KCNN3: variants seen among roughly 807,000 people sequenced by gnomAD.
KCNN3 encodes small conductance calcium-activated potassium channel protein 3.
KCNN3 carries 16 observed loss-of-function variants against 62.9 expected under a neutral mutation model. The observed-to-expected ratio is 0.25, with a 90% confidence interval of 0.17 to 0.39. KCNN3 has a LOEUF of 0.39. KCNN3 is among the 10% of genes least tolerant of loss of function. The probability of loss-of-function intolerance (pLI) is 1.00; values close to 1 mark genes in which losing one functional copy is unlikely to be tolerated. For missense variants in KCNN3, 599 were observed against 949.4 expected (o/e 0.63, Z 4.85); for synonymous variants, 370 against 389.2 (o/e 0.95, Z 0.58).
At chr1:154,757,342 G>C (rs947647202) in intron 3 of KCNN3, among the ~76,000 whole-genome samples, 2 of 152,168 alleles carry the variant, frequency 1.3e-5, no homozygotes, top group Non-Finnish European at 2.9e-5. Flanking sequence ...TTGAGTCCTG[G>C]CTGGTTCCCA....
rs768588764 is a variant in KCNN3, at chr1:154,714,859, C to G, written c.1829+17G>C. 1 of 1,612,854 alleles carries G rather than the reference C, an allele frequency of 6.2e-7. No individual in the cohort carries two copies. The highest frequency in any genetic ancestry group is 1.3e-5 in the African/African-American group (1 of 74,738). The stretch of plus-strand genomic sequence containing the variant: ...CAGTCTGGTCATCTGATGGCTGAAC[C>G]GCTCTGGCATACTCACTGGTGGATA... On this transcript the variant is annotated intron_variant, in intron 6 of 7. Transcript: ENST00000271915.
At chr1:154,728,635 G>C (rs896503949) in intron 4 of KCNN3, among the ~76,000 whole-genome samples, 3 of 151,966 alleles carry the variant, frequency 2.0e-5, no homozygotes, top group Middle Eastern at 3.4e-3. Context: ...GGGGAGGAGA[G>C]AGGAGAAAAG....
chr1:154,771,144 G>A (rs1441879737), intron 3 of KCNN3, among the ~76,000 whole-genome samples: 3 of 151,938 alleles, frequency 2.0e-5, no homozygotes, highest in East Asian at 1.9e-4. Context: ...AAGGAGAAGA[G>A]TCATTAAAGG....
At chr1:154,823,187 T>G (rs1017822230) in intron 1 of KCNN3, among the ~76,000 whole-genome samples, 5 of 152,198 alleles carry the variant, frequency 3.3e-5, no homozygotes, top group African/African-American at 9.7e-5. Flanking sequence ...TGGAACTTGG[T>G]GCACCTCTGG....
In KCNN3 at chr1:154,822,247, T is replaced by C. The variant is rs1280176726; in HGVS notation, c.934-63A>G. The C allele has an allele frequency of 5.6e-6, 7 of 1,243,102 alleles. No homozygotes were observed. The Admixed American group carries it at 7.0e-5, about 12-fold the overall frequency. 77.0% of individuals were successfully genotyped at this position (1,243,102 alleles called of 1,614,324 possible). On this transcript the variant is annotated intron_variant, in intron 1 of 7. Transcript: ENST00000271915. The stretch of plus-strand genomic sequence containing the variant: ...GGGAAAGGAGCGTCTCACTTTATTC[T>C]GCGGCTGTGTAAAAGAGAAGGGGTG...
At chr1:154,754,266 T>C (rs1172537259) in intron 3 of KCNN3, among the ~76,000 whole-genome samples, 4 of 152,040 alleles carry the variant, frequency 2.6e-5, no homozygotes, top group African/African-American at 4.8e-5. Context: ...ATGACAGGGA[T>C]CTGTGTCAGG....
At chr1:154,805,785 T>C (rs1650149006) in intron 2 of KCNN3, among the ~76,000 whole-genome samples, 1 of 152,186 alleles carries the variant, frequency 6.6e-6, no homozygotes, top group South Asian at 2.1e-4. Context: ...CATCTACAAA[T>C]AGAGGATTGT....
chr1:154,789,426 G>A (rs1487960624), intron 2 of KCNN3, among the ~76,000 whole-genome samples: 1 of 151,054 alleles, frequency 6.6e-6, no homozygotes, highest in African/African-American at 2.5e-5. Context: ...TGGTCGGTGG[G>A]GCAGGGGGGG....
At chr1:154,770,090 C>T (rs1648478766) in intron 3 of KCNN3, among the ~76,000 whole-genome samples, 1 of 152,194 alleles carries the variant, frequency 6.6e-6, no homozygotes, top group Admixed American at 6.5e-5. Flanking sequence ...GGAAGAGTGT[C>T]TGCTTACCAG....
At chr1:154,817,415 A>G (rs1650711442) in intron 2 of KCNN3, among the ~76,000 whole-genome samples, 1 of 152,256 alleles carries the variant, frequency 6.6e-6, no homozygotes, top group Non-Finnish European at 1.5e-5. Flanking sequence ...GAAATCTTAG[A>G]GGCTTTCCCG....
chr1:154,745,261 T>C (rs1700914077), intron 3 of KCNN3, among the ~76,000 whole-genome samples: 1 of 152,240 alleles, frequency 6.6e-6, no homozygotes, highest in Non-Finnish European at 1.5e-5. Flanking sequence ...GGCCTCCAGT[T>C]ATTTTTAAAA....
chr1:154,727,042 T>C (rs1700483981), intron 4 of KCNN3, among the ~76,000 whole-genome samples: 1 of 152,250 alleles, frequency 6.6e-6, no homozygotes, highest in Admixed American at 6.5e-5. Flanking sequence ...GGTTGGCTTG[T>C]GAGCATAGGG....
intron 2 of KCNN3, among the ~76,000 whole-genome samples, chr1:154,819,693 C>G (rs1473657708): frequency 6.6e-6 from 1 of 152,144 alleles, no homozygotes. Context: ...GTGACGGAGG[C>G]TGCAGGGAGG....
intron 1 of KCNN3, among the ~76,000 whole-genome samples, chr1:154,864,304 G>A (rs1489336364): frequency 1.3e-5 from 2 of 152,248 alleles, no homozygotes; most frequent in Non-Finnish European, 1.5e-5. Context: ...CCAGGACACT[G>A]TGACAGCCAA....
Position 154,708,279 on chromosome 1 carries a change from GGAGA to G in KCNN3, c.1900-11_1900-8del. On this transcript the variant is annotated splice_polypyrimidine_tract_variant and splice_region_variant and intron_variant, in intron 7 of 7. Coordinates refer to ENST00000271915, the MANE Select transcript of KCNN3 (RefSeq NM_002249.6). ...CATACATGACATTCTGCATCTGTGT[GGAGA>G]GAGAGAGGCGAGAGACAGGGAGATG... The G allele has an allele frequency of 1.9e-6, 3 of 1,613,004 alleles. No individual in the cohort carries two copies. Among genetic ancestry groups the G allele is most frequent in the African/African-American group, 1.3e-5 (1 of 74,966 alleles).
rs1354778648 is a variant in KCNN3, at chr1:154,714,605, GGTGTGTGGTGTGTGT to G, written c.1829+256_1829+270del. Reference sequence around the variant, plus strand: ...GGTGTGTATGGTGTGTGTGATGTGTGGTGTGTGGTGTGTGTGTGTGTGTGTGTGTGTGTGTGTGTG... The same window carrying G: ...GGTGTGTATGGTGTGTGTGATGTGTGGTGTGTGTGTGTGTGTGTGTGTGTG... On this transcript the variant is annotated intron_variant, in intron 6 of 7. Transcript: ENST00000271915. Among the ~76,000 whole-genome samples, 7 of 26,064 alleles carry G rather than the reference GGTGTGTGGTGTGTGT, an allele frequency of 2.7e-4. No homozygotes were observed. The East Asian group carries it at 6.2e-3, about 23-fold the overall frequency. The allele number at this position is 26,064 out of a possible 152,430, so 17.1% of individuals were successfully genotyped here.
rs57184806 is a variant in KCNN3, at chr1:154,772,730, C to G, written c.1030-337G>C. On this transcript the variant is annotated intron_variant, in intron 2 of 7. Coordinates refer to ENST00000271915, the MANE Select transcript of KCNN3 (RefSeq NM_002249.6). This position sits in a 1 kb window ranked among gnomAD's most constrained non-coding sequence, Gnocchi z 5.6. Reference sequence around the variant, plus strand: ...GTTTAGGCACAGTTCCCAAAACGCTCGGAATTTCCAAAGTGATAAGTGTCA... The same window carrying G: ...GTTTAGGCACAGTTCCCAAAACGCTGGGAATTTCCAAAGTGATAAGTGTCA... 0.35 allele frequency among the ~76,000 whole-genome samples: 53,607 copies of G among 151,956 alleles called. 9,709 individuals carry two copies. Among genetic ancestry groups the G allele is most frequent in the Middle Eastern group, 0.5 (148 of 294 alleles).
chr1:154,868,943 T>A, intron 1 of KCNN3, 89 bp downstream of exon 1: 1 of 424,424 alleles, frequency 2.4e-6, no homozygotes, highest in Non-Finnish European at 3.1e-6. Context: ...TCTCAATCTC[T>A]CTCTCTCACA....
At chr1:154,865,653 A>G (rs1280497501) in intron 1 of KCNN3, among the ~76,000 whole-genome samples, 2 of 152,126 alleles carry the variant, frequency 1.3e-5, no homozygotes, top group African/African-American at 2.4e-5. Flanking sequence ...TTAACTGAAC[A>G]TGCTCAGGGC....
Sources: gnomAD v4.1 joint callset for allele counts (sites outside exome capture counted in the v4.1 genomes callset) on GRCh38, gnomAD v4.1.1 for gene constraint, Gnocchi (gnomAD v3.1) non-coding constraint, MANE v1.5 for transcripts, NCBI Gene and HGNC (gene_info 2026-07-23, HGNC 2026-07-21) for gene names.